The following SH3KBP1 variants were observed in gnomAD, a reference collection of about 807,000 sequenced individuals.
SH3KBP1 encodes SH3 domain containing kinase binding protein 1, also known as SH3 domain-containing kinase-binding protein 1.
In SH3KBP1, 8 loss-of-function variants were observed where a neutral mutation model predicts 50.1. That is an observed-to-expected ratio of 0.16 (90% CI 0.09 to 0.29). The LOEUF (loss-of-function observed/expected upper bound fraction) is 0.29. Ranked by LOEUF, SH3KBP1 falls within the 10% of genes least tolerant of loss-of-function variation. The probability of loss-of-function intolerance (pLI) is 1.00; values close to 1 mark genes in which losing one functional copy is unlikely to be tolerated. For missense variants in SH3KBP1, 377 were observed against 535.2 expected (o/e 0.70, Z 2.92); for synonymous variants, 227 against 218.6 (o/e 1.04, Z -0.34).
At chrX:19,676,930 C>T (rs913916859) in intron 6 of SH3KBP1, among the ~76,000 whole-genome samples, 3 of 112,326 alleles carry the variant, frequency 2.7e-5, no homozygotes, top group Non-Finnish European at 3.8e-5. Context: ...AAGTCACTAA[C>T]GGAAATCAGC....
rs756443396 is a variant in SH3KBP1 at position 19,566,639 on chromosome X, C to G, written c.1384+2464G>C. Among the ~76,000 whole-genome samples the G allele has an allele frequency of 1.2e-4, 13 of 111,772 alleles. No homozygotes were observed. In the South Asian group the frequency reaches 4.9e-3, roughly 42 times the overall value. ...CTCATTCTGACAATCCCCTTTCATT[C>G]ACAGCCAATTACTGCTCTGCTCTGC... On this transcript the variant is annotated intron_variant, in intron 13 of 17. Coordinates refer to ENST00000397821, the MANE Select transcript of SH3KBP1 (RefSeq NM_031892.3).
chrX:19,751,203 G>C (rs751194096), intron 2 of SH3KBP1, among the ~76,000 whole-genome samples: 24 of 112,040 alleles, frequency 2.1e-4, no homozygotes, highest in Non-Finnish European at 4.1e-4. Flanking sequence ...TGCAGAGGAG[G>C]GTTGGCTTGG....
At chrX:19,553,524 G>A (rs1248162155) in intron 13 of SH3KBP1, among the ~76,000 whole-genome samples, 1 of 110,451 alleles carries the variant, frequency 9.1e-6, no homozygotes, top group Non-Finnish European at 1.9e-5. Context: ...GTCAATAAAG[G>A]AACAAGCGAA....
intron 2 of SH3KBP1, among the ~76,000 whole-genome samples, chrX:19,812,021 C>G (rs1166270689): frequency 8.9e-6 from 1 of 111,907 alleles, no homozygotes; most frequent in Non-Finnish European, 1.9e-5. Flanking sequence ...TCTGGGACCA[C>G]CTGCCTCTAG....
At chrX:19,676,914 T>C (rs1239394747) in intron 6 of SH3KBP1, among the ~76,000 whole-genome samples, 1 of 112,237 alleles carries the variant, frequency 8.9e-6, no homozygotes, top group Admixed American at 9.4e-5. Flanking sequence ...AAGAGAGAGA[T>C]GTCAGAAGTC....
chrX:19,792,811 C>T (rs1364274540), intron 2 of SH3KBP1, among the ~76,000 whole-genome samples: 2 of 107,167 alleles, frequency 1.9e-5, no homozygotes, highest in African/African-American at 3.4e-5. Context: ...GCGGGACGGG[C>T]GATTGTGCTA....
chrX:19,663,298 A>G (rs1461915572), intron 6 of SH3KBP1, among the ~76,000 whole-genome samples: 3 of 111,836 alleles, frequency 2.7e-5, no homozygotes, highest in Non-Finnish European at 3.8e-5. Flanking sequence ...CGTGGTTGTT[A>G]TTTTTTAAGA....
Position 19,878,375 on chromosome X carries a change from C to T in SH3KBP1, c.4+8932G>A, listed in dbSNP as rs143087409. 3.2e-3 allele frequency among the ~76,000 whole-genome samples: 337 copies of T among 103,767 alleles called. 2 individuals are homozygous for T. The highest frequency in any genetic ancestry group is 0.011 in the African/African-American group (307 of 27,678). The allele number at this position is 103,767 out of a possible 115,157, so 90.1% of individuals were successfully genotyped here. A position where few individuals can be genotyped will look rare whatever the true frequency, so the allele number is the denominator to read the frequency against. On this transcript the variant is annotated intron_variant, in intron 1 of 17. Transcript: ENST00000397821. ...CTGGAGTGCAGTGGTGCGATGTCGG[C>T]TCACTGTAGCCTCCTGCTCCCAGGT...
chrX:19,817,892 C>T (rs763258535), intron 2 of SH3KBP1, among the ~76,000 whole-genome samples: 2 of 112,086 alleles, frequency 1.8e-5, no homozygotes, highest in East Asian at 5.6e-4. Flanking sequence ...ACCTTGGCCT[C>T]CCAAAATGCT....
intron 13 of SH3KBP1, among the ~76,000 whole-genome samples, chrX:19,558,016 G>A (rs1377732076): frequency 1.8e-5 from 2 of 112,323 alleles, no homozygotes; most frequent in Non-Finnish European, 3.8e-5. Context: ...GACAAGCAAT[G>A]CTAAGTGGGG....
chrX:19,743,835 T>A (rs755478393), intron 3 of SH3KBP1, among the ~76,000 whole-genome samples: 39 of 112,848 alleles, frequency 3.5e-4, no homozygotes, highest in Middle Eastern at 4.2e-3. Flanking sequence ...TAGATGTCAA[T>A]CTTTCATTAT....
intron 3 of SH3KBP1, among the ~76,000 whole-genome samples, chrX:19,720,150 A>G (rs2064016733): frequency 9.0e-6 from 1 of 110,802 alleles, no homozygotes; most frequent in South Asian, 3.8e-4. Context: ...TCAGAGTGAG[A>G]TAAAGGAATC....
At chrX:19,661,627 G>GTTT (rs1469425458) in intron 6 of SH3KBP1, among the ~76,000 whole-genome samples, 4 of 75,042 alleles carry the variant, frequency 5.3e-5, no homozygotes, top group African/African-American at 4.9e-5. Context: ...AATAAAGGTT[G>GTTT]TTTTTTTTTT....
At chrX:19,544,005 G>A (rs1441941873) in intron 15 of SH3KBP1, among the ~76,000 whole-genome samples, 4 of 110,836 alleles carry the variant, frequency 3.6e-5, no homozygotes, top group Admixed American at 1.9e-4. Flanking sequence ...ACGCGGCCGT[G>A]AGGCTCCCTC....
intron 1 of SH3KBP1, among the ~76,000 whole-genome samples, chrX:19,886,591 C>G (rs1290561774): frequency 8.9e-6 from 1 of 111,834 alleles, no homozygotes; most frequent in Non-Finnish European, 1.9e-5. Context: ...AATCAAAGAC[C>G]GGATCACCAT....
chrX:19,786,322 C>T (rs1051208122), intron 2 of SH3KBP1, among the ~76,000 whole-genome samples: 6 of 111,163 alleles, frequency 5.4e-5, no homozygotes, highest in African/African-American at 2.0e-4. Context: ...AGAGAACAAA[C>T]AAAGCAGCAT....
chrX:19,632,623 A>G (rs1160163779), intron 7 of SH3KBP1, among the ~76,000 whole-genome samples: 1 of 112,723 alleles, frequency 8.9e-6, no homozygotes, highest in Non-Finnish European at 1.9e-5. Flanking sequence ...GTTCCTCAGC[A>G]AAGAGATGCA....
chrX:19,609,401 T>A (rs2067338773), intron 8 of SH3KBP1, among the ~76,000 whole-genome samples: 1 of 112,052 alleles, frequency 8.9e-6, no homozygotes, highest in Non-Finnish European at 1.9e-5. Context: ...ACTTCAGGCA[T>A]CCTGACCCTG....
At chrX:19,680,704 TCA>T (rs1569414964) in intron 6 of SH3KBP1, among the ~76,000 whole-genome samples, 1 of 112,367 alleles carries the variant, frequency 8.9e-6, no homozygotes, top group Non-Finnish European at 1.9e-5. Context: ...TAAAACAGAA[TCA>T]CACTTATCGG....
Sources: allele counts gnomAD v4.1 joint callset (sites outside exome capture counted in the v4.1 genomes callset), GRCh38; gene constraint gnomAD v4.1.1; transcripts MANE v1.5; gene names NCBI Gene and HGNC (gene_info 2026-07-23, HGNC 2026-07-21).